Variants in PPIP5K2 observed in about 807,000 individuals in gnomAD.
PPIP5K2 encodes inositol hexakisphosphate and diphosphoinositol-pentakisphosphate kinase 2.
A neutral mutation model predicts 154.6 loss-of-function variants in PPIP5K2; 105 were observed. That is an observed-to-expected ratio of 0.68 (90% CI 0.58 to 0.80). The LOEUF is 0.80. PPIP5K2 is among the 30% of genes least tolerant of loss of function. The pLI is 0.00. For missense variants in PPIP5K2, 992 were observed against 1,504.6 expected (o/e 0.66, Z 5.64); for synonymous variants, 480 against 490.3 (o/e 0.98, Z 0.28).
intron 30 of PPIP5K2, among the ~76,000 whole-genome samples, chr5:103,197,721 G>A (rs1429985374): frequency 1.3e-5 from 2 of 151,016 alleles, no homozygotes; most frequent in African/African-American, 4.9e-5. Context: ...GATTACAGGT[G>A]ACTGCCACCA....
rs782694609 is a variant in PPIP5K2, at chr5:103,159,287, C to G, written c.1879C>G (p.Leu627Val). The stretch of plus-strand genomic sequence containing the variant: ...TGTGAAGGCAAGGCTTCATGAAATA[C>G]TTCAGAAAGACAGAGATTTTACTGC... ...QRVKARLHEI[L>V]QKDRDFTAED... The change falls in exon 17 of 31, where the codon CTT becomes GTT. Residue 627 changes from leucine to valine, a missense_variant. Leu to Val is a conservative substitution (Grantham distance 32). Around this residue, in one of 9 missense-constraint regions of PPIP5K2, gnomAD observed 82 missense variants for 91.8 expected, o/e 0.89. Coordinates refer to ENST00000358359, the MANE Select transcript of PPIP5K2 (RefSeq NM_001276277.3). The G allele has an allele frequency of 1.2e-6, 2 of 1,612,282 alleles. No homozygotes were observed. Among genetic ancestry groups the G allele is most frequent in the Non-Finnish European group, 1.7e-6 (2 of 1,179,460 alleles).
rs782705724 is a variant in PPIP5K2 at position 103,133,644 on chromosome 5, T to C, written c.306T>C (p.Ser102=). ...PLCDCLISFH[S]KGFPLDKAVA... The stretch of plus-strand genomic sequence containing the variant: ...GTGATTGTCTTATTTCTTTCCATTC[T>C]AAAGGTATTAAGGGGAGTGGGGGAG... Residue 102 remains serine, a synonymous_variant, in exon 3 of 31, where the codon TCT becomes TCC. Coordinates refer to ENST00000358359, the MANE Select transcript of PPIP5K2 (RefSeq NM_001276277.3). 6.3e-7 allele frequency: 1 copy of C among 1,597,730 alleles called. No homozygotes were observed. The highest frequency in any genetic ancestry group is 1.8e-5 in the Admixed American group (1 of 55,592).
chr5:103,126,872 G>A (rs1789779273), intron 1 of PPIP5K2, among the ~76,000 whole-genome samples: 1 of 151,454 alleles, frequency 6.6e-6, no homozygotes, highest in Admixed American at 6.6e-5. Flanking sequence ...ATCTCCTTTG[G>A]CAGCACCCTC....
At chr5:103,144,454 A>T (rs1210854618) in intron 5 of PPIP5K2, among the ~76,000 whole-genome samples, 3 of 152,124 alleles carry the variant, frequency 2.0e-5, no homozygotes, top group Non-Finnish European at 4.4e-5. Flanking sequence ...ACCACAAAAA[A>T]CTCAGAATAG....
chr5:103,179,446 G>A lies in PPIP5K2; in HGVS notation c.2755-575G>A, dbSNP rs909406079. ...TGCCTGTCTCCCATACTGTGTTGGA[G>A]GATTCTTGCAATCTGGGACTGTGTC... On this transcript the variant is annotated intron_variant, in intron 23 of 30. Coordinates refer to ENST00000358359, the MANE Select transcript of PPIP5K2 (RefSeq NM_001276277.3). 3.3e-5 allele frequency among the ~76,000 whole-genome samples: 5 copies of A among 152,150 alleles called. No individual in the cohort carries two copies. The Middle Eastern group carries it at 0.01, about 311-fold the overall frequency.
rs1798347729 is a variant in PPIP5K2 at position 103,173,980 on chromosome 5, G to C, written c.2529+8G>C. 6.6e-7 allele frequency: 1 copy of C among 1,521,588 alleles called. No individual in the cohort carries two copies. The highest frequency in any genetic ancestry group is 9.0e-7 in the Non-Finnish European group (1 of 1,108,898). 94.3% of individuals were successfully genotyped at this position (1,521,588 alleles called of 1,614,324 possible). A position where few individuals can be genotyped will look rare whatever the true frequency, so the allele number is the denominator to read the frequency against. ...TATGGTGCCTTATGCAATGTAAGTAGAATAAGTTATTTCAGTCTAACAAAT... is the reference window on the plus strand; with the variant it reads ...TATGGTGCCTTATGCAATGTAAGTACAATAAGTTATTTCAGTCTAACAAAT... On this transcript the variant is annotated splice_region_variant and intron_variant, in intron 21 of 30. Transcript: ENST00000358359.
intron 29 of PPIP5K2, among the ~76,000 whole-genome samples, chr5:103,193,105 G>GA (rs1554227403): frequency 6.6e-6 from 1 of 151,904 alleles, no homozygotes; most frequent in African/African-American, 2.4e-5. Flanking sequence ...ACTATTTAAA[G>GA]AAAAAATCGT....
At chr5:103,165,873 T>C (rs1349576647) in intron 17 of PPIP5K2, among the ~76,000 whole-genome samples, 1 of 152,086 alleles carries the variant, frequency 6.6e-6, no homozygotes, top group Non-Finnish European at 1.5e-5. Flanking sequence ...GACATCTCAG[T>C]TGGTTTAACT....
chr5:103,138,918 A>C (rs1019804966), intron 5 of PPIP5K2, among the ~76,000 whole-genome samples: 2 of 152,354 alleles, frequency 1.3e-5, no homozygotes, highest in Non-Finnish European at 2.9e-5. Flanking sequence ...CATGGAATAA[A>C]CATGAATTGA....
chr5:103,187,953 C>T (rs1800659919), intron 28 of PPIP5K2, among the ~76,000 whole-genome samples: 1 of 152,126 alleles, frequency 6.6e-6, no homozygotes, highest in African/African-American at 2.4e-5. Flanking sequence ...CCAGCATTCA[C>T]TTTGTTCTTG....
intron 25 of PPIP5K2, chr5:103,184,369 C>T: frequency 4.7e-6 from 1 of 212,394 alleles, no homozygotes; most frequent in South Asian, 9.1e-5. Flanking sequence ...TAAGAGTGGG[C>T]ATTTGGCTTC....
At chr5:103,190,341 T>C (rs1038440189) in intron 28 of PPIP5K2, among the ~76,000 whole-genome samples, 56 of 152,072 alleles carry the variant, frequency 3.7e-4, no homozygotes, top group African/African-American at 1.3e-3. Context: ...ATGAATGTTG[T>C]TTGGGGTTCA....
intron 14 of PPIP5K2, among the ~76,000 whole-genome samples, chr5:103,156,305 C>T (rs1441855063): frequency 6.6e-6 from 1 of 152,072 alleles, no homozygotes; most frequent in Non-Finnish European, 1.5e-5. Context: ...CCTTACATCA[C>T]CTTTTGATAG....
At chr5:103,180,572 G>A (rs1372826867) in intron 24 of PPIP5K2, among the ~76,000 whole-genome samples, 2 of 151,824 alleles carry the variant, frequency 1.3e-5, no homozygotes, top group Middle Eastern at 3.2e-3. Context: ...AGAGCAAGCC[G>A]GGCATGGTGG....
rs782037200 is a variant in PPIP5K2, at chr5:103,129,566, A to G, written c.-24A>G. On this transcript the variant is annotated 5_prime_UTR_variant, in exon 2 of 31. Transcript: ENST00000358359. ...AGTTTTAATATAAATCATTTCAATT[A>G]TATCTACATCAAATAAAATAAAAAT... 3.3e-6 allele frequency: 5 copies of G among 1,536,198 alleles called. No homozygotes were observed. The South Asian group carries it at 3.7e-5, about 11-fold the overall frequency.
intron 21 of PPIP5K2, 189 bp downstream of exon 21, chr5:103,174,161 A>G (rs1374993917): frequency 1.9e-5 from 9 of 466,966 alleles, no homozygotes; most frequent in African/African-American, 1.6e-4. Flanking sequence ...CTCTTCAGAG[A>G]AGATACATTT....
intron 11 of PPIP5K2, among the ~76,000 whole-genome samples, 160 bp from the exon 12 acceptor site, chr5:103,154,510 G>C (rs1795101192): frequency 6.6e-6 from 1 of 151,998 alleles, no homozygotes; most frequent in Non-Finnish European, 1.5e-5. Context: ...AATCAAAGTT[G>C]AGCAGCAACA....
At chr5:103,149,384 A>G in intron 8 of PPIP5K2, 71 bp downstream of exon 8, 19 of 1,373,110 alleles carry the variant, frequency 1.4e-5, no homozygotes, top group Non-Finnish European at 1.9e-5. Context: ...CTAAGACATT[A>G]TTGGTGCTTA....
At chr5:103,159,600 C>T (rs1421615900) in intron 17 of PPIP5K2, among the ~76,000 whole-genome samples, 1 of 152,100 alleles carries the variant, frequency 6.6e-6, no homozygotes, top group East Asian at 1.9e-4. Flanking sequence ...TAAGTATAGT[C>T]TCTAACCAGT....
Sources: gnomAD v4.1 joint callset for allele counts (sites outside exome capture counted in the v4.1 genomes callset) on GRCh38, gnomAD v4.1.1 for gene constraint, gnomAD v4.1.1 regional missense constraint, MANE v1.5 for transcripts, NCBI Gene and HGNC (gene_info 2026-07-23, HGNC 2026-07-21) for gene names.